ZNF536: variants seen among roughly 807,000 people sequenced by gnomAD.
The protein encoded by ZNF536 is zinc finger protein 536.
Under a neutral mutation model 84.5 loss-of-function variants are expected in ZNF536, and 13 were observed. That is an observed-to-expected ratio of 0.15 (90% CI 0.10 to 0.24). The LOEUF (loss-of-function observed/expected upper bound fraction) is 0.24. Among genes scored for constraint, ZNF536 ranks in the 10% least tolerant of loss-of-function variants. The pLI is 1.00. For missense variants in ZNF536, 1,536 were observed against 1,747.5 expected, an observed-to-expected ratio of 0.88 and a Z score of 2.16; for synonymous variants, 811 against 742.5, an observed-to-expected ratio of 1.09 and a Z score of -1.50.
At chr19:30,456,412 C>G (rs1156320946) in intron 2 of ZNF536, among the ~76,000 whole-genome samples, 1 of 148,422 alleles carries the variant, frequency 6.7e-6, no homozygotes, top group Non-Finnish European at 1.5e-5. Context: ...CCATTATTTC[C>G]TTAGGTGTGT....
rs374472360 is a variant in ZNF536 at position 30,615,170 on chromosome 19, C to T, written c.169+65656C>T. On this transcript the variant is annotated intron_variant, in intron 1 of 1. Coordinates refer to the ZNF536 transcript ENST00000592773. ...CCGTGTTAGCCAGGATGGTCTCGAT[C>T]TCCTGACCTCGTGATCCGCCCGTCT... Among the ~76,000 whole-genome samples, 1,064 of 150,552 alleles carry T rather than the reference C, an allele frequency of 7.1e-3. 21 individuals carry two copies. Among genetic ancestry groups the T allele is most frequent in the African/African-American group, 0.023 (959 of 40,890 alleles).
chr19:30,664,489 A>G (rs1257257079), intron 1 of ZNF536, among the ~76,000 whole-genome samples: 1 of 152,160 alleles, frequency 6.6e-6, no homozygotes. Flanking sequence ...GGCACTGGTC[A>G]GATCCCAGAC....
At position 30,356,554 on chromosome 19, in the gene ZNF536, A is replaced by C. The variant is rs569772674; in HGVS notation, c.-3+4070A>C. Among the ~76,000 whole-genome samples the C allele has an allele frequency of 1.2e-3, 184 of 152,334 alleles. 1 individual carries two copies. Among genetic ancestry groups the C allele is most frequent in the African/African-American group, 4.2e-3 (175 of 41,560 alleles). ...ATGATGATAAGCCATGCACATGTCT[A>C]TGGGGCTTTGCATCATATTCGATCT... On this transcript the variant is annotated intron_variant, in intron 3 of 5. Transcript: ENST00000585628.
chr19:30,540,486 T>C (rs928973971), intron 3 of ZNF536, among the ~76,000 whole-genome samples: 2 of 152,150 alleles, frequency 1.3e-5, no homozygotes, highest in African/African-American at 4.8e-5. Flanking sequence ...CACGCCCATA[T>C]GCAGGCTCTG....
At chr19:30,243,598 C>T (rs2024081766) in intron 1 of ZNF536, among the ~76,000 whole-genome samples, 1 of 152,130 alleles carries the variant, frequency 6.6e-6, no homozygotes, top group African/African-American at 2.4e-5. Context: ...AATGATAACG[C>T]TAATGAAAAA....
chr19:30,278,089 C>T (rs139965912), intron 1 of ZNF536, among the ~76,000 whole-genome samples: 137 of 152,240 alleles, frequency 9.0e-4, no homozygotes, highest in African/African-American at 3.2e-3. Flanking sequence ...ATGGCGTGGC[C>T]AACAGGGCAG....
intron 1 of ZNF536, among the ~76,000 whole-genome samples, chr19:30,398,465 A>G (rs1380739044): frequency 6.6e-6 from 1 of 151,530 alleles, no homozygotes; most frequent in Admixed American, 6.6e-5. Flanking sequence ...AGGTATACAC[A>G]CGCCATGGTG....
intron 1 of ZNF536, among the ~76,000 whole-genome samples, chr19:30,258,937 G>A (rs1359678240): frequency 1.3e-5 from 2 of 151,998 alleles, no homozygotes; most frequent in African/African-American, 4.8e-5. Context: ...AGGCTGGTCT[G>A]GAACTCCTTA....
intron 1 of ZNF536, among the ~76,000 whole-genome samples, chr19:30,599,390 CT>C (rs2047595013): frequency 7.5e-6 from 1 of 133,738 alleles, no homozygotes; most frequent in Non-Finnish European, 1.6e-5. Context: ...TTTGTCCCTC[CT>C]TTCCTCCCTT....
At chr19:30,442,448 T>C (rs890441470) in intron 1 of ZNF536, among the ~76,000 whole-genome samples, 14 of 152,254 alleles carry the variant, frequency 9.2e-5, no homozygotes, top group African/African-American at 3.1e-4. Context: ...GGGAAAGTTA[T>C]TAAAAACACT....
At chr19:30,480,691 T>C (rs149899586) in intron 2 of ZNF536, among the ~76,000 whole-genome samples, 1,998 of 152,278 alleles carry the variant, frequency 0.013, 47 homozygotes, top group African/African-American at 0.046. Context: ...GTTCTGCACA[T>C]GTATCCCAGA....
intron 1 of ZNF536, among the ~76,000 whole-genome samples, chr19:30,659,420 C>T (rs2050036764): frequency 6.6e-6 from 1 of 152,094 alleles, no homozygotes. Context: ...CCCCATGATC[C>T]AATCACTCCC....
chr19:30,680,829 C>G (rs1381481459), intron 1 of ZNF536, among the ~76,000 whole-genome samples: 1 of 152,180 alleles, frequency 6.6e-6, no homozygotes, highest in African/African-American at 2.4e-5. Context: ...AATCGCCACA[C>G]TGACTTCCAC....
At chr19:30,450,100 C>G (rs563115986) in intron 2 of ZNF536, among the ~76,000 whole-genome samples, 7 of 121,558 alleles carry the variant, frequency 5.8e-5, no homozygotes, top group African/African-American at 1.9e-4. Context: ...TTTGCTTGTG[C>G]ATTCCAATTG....
At chr19:30,487,415 G>T (rs1331366788) in intron 2 of ZNF536, among the ~76,000 whole-genome samples, 2 of 152,110 alleles carry the variant, frequency 1.3e-5, no homozygotes, top group East Asian at 1.9e-4. Flanking sequence ...TGGACCAGGG[G>T]CCGGGCCATG....
At chr19:30,449,793 C>A (rs778180659) in intron 2 of ZNF536, among the ~76,000 whole-genome samples, 1 of 152,194 alleles carries the variant, frequency 6.6e-6, no homozygotes, top group Non-Finnish European at 1.5e-5. Flanking sequence ...CTTGCGAGGT[C>A]TTCTTTTGTT....
intron 1 of ZNF536, among the ~76,000 whole-genome samples, chr19:30,634,179 C>A (rs1444394449): frequency 6.6e-6 from 1 of 152,126 alleles, no homozygotes; most frequent in Non-Finnish European, 1.5e-5. Flanking sequence ...AGCATGAAGA[C>A]AAGGTCCCAT....
chr19:30,708,946 T>C (rs964791649), intron 1 of ZNF536, among the ~76,000 whole-genome samples: 4 of 152,206 alleles, frequency 2.6e-5, no homozygotes, highest in Admixed American at 6.5e-5. Context: ...TTGTTTATTT[T>C]TTTGAGCAAA....
At chr19:30,294,322 T>C (rs7257409) in intron 2 of ZNF536, among the ~76,000 whole-genome samples, 46,614 of 152,052 alleles carry the variant, frequency 0.31, 9,747 homozygotes, top group East Asian at 0.6. Context: ...CCTGCAATAC[T>C]GCAAGAAAAT....
Sources: gnomAD v4.1 joint callset for allele counts (sites outside exome capture counted in the v4.1 genomes callset) on GRCh38, gnomAD v4.1.1 for gene constraint, MANE v1.5 for transcripts, NCBI Gene and HGNC (gene_info 2026-07-23, HGNC 2026-07-21) for gene names.